ERG: variants seen among roughly 807,000 people sequenced by gnomAD.
The protein encoded by ERG is ETS transcription factor ERG.
Under a neutral mutation model 55.3 loss-of-function variants are expected in ERG, and 9 were observed. The ratio of observed to expected loss-of-function variants is 0.16; its 90% CI spans 0.10 to 0.28. ERG has a LOEUF of 0.28. ERG is among the 10% of genes least tolerant of loss of function. The pLI is 1.00. For synonymous variants in ERG, 223 were observed against 237.3 expected (o/e 0.94, Z 0.55); for missense variants, 434 against 631.6 (o/e 0.69, Z 3.35).
chr21:38,423,079 T>C, intron 3 of ERG, among the ~76,000 whole-genome samples: 1 of 134,684 alleles, frequency 7.4e-6, no homozygotes. Flanking sequence ...TCTCTCTCCA[T>C]ACGTAGTGTG....
At chr21:38,658,882 G>GC (rs886088074) in intron 1 of ERG, among the ~76,000 whole-genome samples, 2 of 152,188 alleles carry the variant, frequency 1.3e-5, no homozygotes, top group Admixed American at 1.3e-4. Context: ...TGTGAATGCA[G>GC]CCCCTCACAC....
intron 1 of ERG, among the ~76,000 whole-genome samples, chr21:38,456,932 G>A (rs1226620690): frequency 6.6e-6 from 1 of 152,234 alleles, no homozygotes; most frequent in East Asian, 1.9e-4. Context: ...GCACTGGGTA[G>A]ACCCCGTCCT....
chr21:38,550,568 T>C (rs893332002), intron 2 of ERG, among the ~76,000 whole-genome samples: 5 of 152,226 alleles, frequency 3.3e-5, no homozygotes, highest in Admixed American at 1.3e-4. Context: ...TGGACATCTA[T>C]GAATCAGGAA....
At chr21:38,436,899 C>CTTT (rs11421601) in intron 2 of ERG, among the ~76,000 whole-genome samples, 7 of 142,368 alleles carry the variant, frequency 4.9e-5, no homozygotes, top group African/African-American at 1.3e-4. Flanking sequence ...TTCTTTCTCT[C>CTTT]TTTTTTTTTT....
At chr21:38,602,819 C>G (rs1000606467) in intron 1 of ERG, among the ~76,000 whole-genome samples, 2 of 151,142 alleles carry the variant, frequency 1.3e-5, no homozygotes, top group African/African-American at 4.9e-5. Context: ...ACACATGAGC[C>G]TTTTACTCCT....
chr21:38,414,550 C>T (rs997731971), intron 3 of ERG, among the ~76,000 whole-genome samples: 1 of 152,180 alleles, frequency 6.6e-6, no homozygotes, highest in Non-Finnish European at 1.5e-5. Flanking sequence ...AAGCATGTCA[C>T]ACATATTGCT....
chr21:38,562,296 G>A (rs971246797), intron 2 of ERG, among the ~76,000 whole-genome samples: 14 of 152,152 alleles, frequency 9.2e-5, no homozygotes, highest in South Asian at 2.1e-4. Context: ...TGTATGTGAT[G>A]TGCCCTGATA....
At chr21:38,545,571 T>A (rs929609376) in intron 2 of ERG, among the ~76,000 whole-genome samples, 1 of 152,320 alleles carries the variant, frequency 6.6e-6, no homozygotes, top group Admixed American at 6.5e-5. Flanking sequence ...ATCCAAAACA[T>A]CTCTTGACTC....
intron 1 of ERG, among the ~76,000 whole-genome samples, chr21:38,576,560 C>T (rs967216019): frequency 2.0e-5 from 3 of 152,136 alleles, no homozygotes; most frequent in Non-Finnish European, 4.4e-5. Context: ...ATACTTCATC[C>T]AATATATTCC....
chr21:38,534,650 A>G (rs1345096315), intron 2 of ERG, among the ~76,000 whole-genome samples: 1 of 152,222 alleles, frequency 6.6e-6, no homozygotes, highest in East Asian at 1.9e-4. Context: ...CCTCTATGGA[A>G]AACAGTATGG....
At chr21:38,472,594 C>G (rs1007403479) in intron 1 of ERG, among the ~76,000 whole-genome samples, 1 of 152,138 alleles carries the variant, frequency 6.6e-6, no homozygotes, top group African/African-American at 2.4e-5. Context: ...TTGGTTACCC[C>G]CGCTGAGCTC....
rs113220002 is a variant in ERG at position 38,569,177 on chromosome 21, C to A, written c.-41+6485G>T. Among the ~76,000 whole-genome samples, 590 of 152,372 alleles carry A rather than the reference C, an allele frequency of 3.9e-3. 5 individuals are homozygous for A. The highest frequency in any genetic ancestry group is 0.012 in the African/African-American group (515 of 41,580). ...TTGATCCCTTCTCTCCCTCCCCCCCCACCCCCAGTGGGGTACATGGAAGGT... is the reference window on the plus strand; with the variant it reads ...TTGATCCCTTCTCTCCCTCCCCCCCAACCCCCAGTGGGGTACATGGAAGGT... On this transcript the variant is annotated intron_variant, in intron 2 of 8. Coordinates refer to the ERG transcript ENST00000398897.
chr21:38,391,090 A>G (rs777680821), intron 8 of ERG, 48 bp from the exon 9 acceptor site: 2 of 1,482,326 alleles, frequency 1.3e-6, no homozygotes, highest in Admixed American at 1.7e-5. Flanking sequence ...GTTGTAACAT[A>G]GTATGATGTG....
chr21:38,469,075 G>A (rs1418341705), intron 1 of ERG, among the ~76,000 whole-genome samples: 2 of 144,262 alleles, frequency 1.4e-5, no homozygotes, highest in East Asian at 2.1e-4. Flanking sequence ...CATAGCCCCC[G>A]AGACCCCTGA....
At chr21:38,636,268 C>T (rs751304691) in intron 1 of ERG, among the ~76,000 whole-genome samples, 18 of 152,144 alleles carry the variant, frequency 1.2e-4, no homozygotes, top group Non-Finnish European at 2.5e-4. Context: ...TCATAAATTA[C>T]CCATTCTCAG....
At chr21:38,497,470 T>C (rs929529448) in intron 1 of ERG, among the ~76,000 whole-genome samples, 1 of 152,190 alleles carries the variant, frequency 6.6e-6, no homozygotes, top group African/African-American at 2.4e-5. Context: ...GAAGGCATGG[T>C]GGCCTTTAAA....
intron 1 of ERG, among the ~76,000 whole-genome samples, chr21:38,623,646 G>A (rs537288157): frequency 9.2e-5 from 14 of 152,302 alleles, no homozygotes; most frequent in South Asian, 2.1e-4. Flanking sequence ...GTAGCAGAGC[G>A]TGAGGTCCTA....
chr21:38,650,895 T>C (rs1453716256), intron 1 of ERG, among the ~76,000 whole-genome samples: 1 of 152,232 alleles, frequency 6.6e-6, no homozygotes, highest in Non-Finnish European at 1.5e-5. Flanking sequence ...ATACATTTAG[T>C]TGATGTGCTT....
At chr21:38,477,560 C>G (rs1159457083) in intron 1 of ERG, among the ~76,000 whole-genome samples, 1 of 152,128 alleles carries the variant, frequency 6.6e-6, no homozygotes, top group East Asian at 1.9e-4. Context: ...ACCAGGAAAC[C>G]TACTGTTAAA....
Sources: allele counts gnomAD v4.1 joint callset (sites outside exome capture counted in the v4.1 genomes callset), GRCh38; gene constraint gnomAD v4.1.1; transcripts MANE v1.5; gene names NCBI Gene and HGNC (gene_info 2026-07-23, HGNC 2026-07-21).